Variants in COL10A1 observed in about 807,000 individuals in gnomAD.
COL10A1 encodes the protein collagen type X alpha 1 chain.
A neutral mutation model predicts 18.2 loss-of-function variants in COL10A1; 10 were observed. That is an observed-to-expected ratio of 0.55 (90% CI 0.34 to 0.93). The LOEUF (loss-of-function observed/expected upper bound fraction) is 0.93. COL10A1 is among the 40% of genes least tolerant of loss of function. The probability of loss-of-function intolerance (pLI) is 0.02; values close to 1 mark genes in which losing one functional copy is unlikely to be tolerated. For synonymous variants in COL10A1, 330 were observed against 316.6 expected, an observed-to-expected ratio of 1.04 and a Z score of -0.45; for missense variants, 897 against 853.5, an observed-to-expected ratio of 1.05 and a Z score of -0.64.
chr6:116,145,029 G>T (rs942529051), intron 1 of COL10A1, among the ~76,000 whole-genome samples: 1 of 152,102 alleles, frequency 6.6e-6, no homozygotes, highest in Non-Finnish European at 1.5e-5. Context: ...GATTTGATTC[G>T]TACATCAGAT....
intron 1 of COL10A1, among the ~76,000 whole-genome samples, chr6:116,156,849 C>T (rs1358294576): frequency 5.3e-5 from 8 of 152,190 alleles, no homozygotes; most frequent in Non-Finnish European, 1.0e-4. Context: ...GGCCACCCCA[C>T]GGCCCCATTA....
the COL10A1 span, among the ~76,000 whole-genome samples, chr6:116,196,474 T>C: frequency 6.6e-6 from 1 of 152,058 alleles, no homozygotes; most frequent in Non-Finnish European, 1.5e-5. Flanking sequence ...GTGATTAGTT[T>C]GATCTAGGGA....
At chr6:116,125,748 A>T (rs1305154578) in intron 1 of COL10A1, 9 of 343,020 alleles carry the variant, frequency 2.6e-5, no homozygotes. Flanking sequence ...CCTAAAGGAA[A>T]AGAAACAGAA....
the COL10A1 span, among the ~76,000 whole-genome samples, chr6:116,182,054 G>A: frequency 6.6e-6 from 1 of 151,990 alleles, no homozygotes; most frequent in South Asian, 2.1e-4. Flanking sequence ...CCAAAGTCCA[G>A]TGTATTATTC....
the COL10A1 span, among the ~76,000 whole-genome samples, chr6:116,182,222 AGTGTGTGTGTGT>A: frequency 4.0e-5 from 5 of 124,604 alleles, no homozygotes; most frequent in East Asian, 3.0e-4. Flanking sequence ...TTCCATGGAG[AGTGTGTGTGTGT>A]GTGTGTGTGT....
chr6:116,135,935 A>G (rs1172969061), intron 1 of COL10A1, among the ~76,000 whole-genome samples: 3 of 149,790 alleles, frequency 2.0e-5, no homozygotes, highest in African/African-American at 7.3e-5. Flanking sequence ...TATCCATTAC[A>G]TTGGTGAGAA....
intron 1 of COL10A1, among the ~76,000 whole-genome samples, chr6:116,146,691 C>G (rs934192965): frequency 1.4e-4 from 21 of 152,128 alleles, no homozygotes; most frequent in African/African-American, 4.1e-4. Context: ...TGCTATAAAT[C>G]TTTTTGATCT....
At chr6:116,135,758 A>G (rs566835472) in intron 1 of COL10A1, among the ~76,000 whole-genome samples, 20 of 148,466 alleles carry the variant, frequency 1.3e-4, no homozygotes, top group African/African-American at 3.7e-4. Flanking sequence ...AGCTTAAAAA[A>G]TTTTTTTTCT....
chr6:116,157,775 C>CT (rs1780233149), intron 1 of COL10A1, among the ~76,000 whole-genome samples: 1 of 152,176 alleles, frequency 6.6e-6, no homozygotes, highest in Non-Finnish European at 1.5e-5. Flanking sequence ...CAAACAGACT[C>CT]TAACGGGGAA....
chr6:116,213,270 C>G, the COL10A1 span, among the ~76,000 whole-genome samples: 1 of 152,054 alleles, frequency 6.6e-6, no homozygotes, highest in African/African-American at 2.4e-5. Context: ...AAGGGGCTCA[C>G]TATGTCTTGC....
intron 1 of COL10A1, among the ~76,000 whole-genome samples, chr6:116,133,580 A>G (rs1004236164): frequency 3.9e-5 from 6 of 152,164 alleles, no homozygotes; most frequent in African/African-American, 1.4e-4. Flanking sequence ...CCCATCGTCA[A>G]AACGGATACT....
intron 1 of COL10A1, among the ~76,000 whole-genome samples, chr6:116,156,538 G>A (rs1294396963): frequency 6.6e-6 from 1 of 152,146 alleles, no homozygotes; most frequent in East Asian, 1.9e-4. Context: ...AGTAAGGGAA[G>A]AGGAGACCGA....
chr6:116,132,366 T>C (rs1779490413), intron 1 of COL10A1, among the ~76,000 whole-genome samples: 1 of 152,230 alleles, frequency 6.6e-6, no homozygotes, highest in Non-Finnish European at 1.5e-5. Flanking sequence ...TTAGACCATT[T>C]CTCTAGCCTA....
chr6:116,135,847 A>G (rs2064884), intron 1 of COL10A1, among the ~76,000 whole-genome samples: 25,095 of 116,282 alleles, frequency 0.22, 2,918 homozygotes, highest in Middle Eastern at 0.35. Context: ...ATATATATAT[A>G]TATATATATA....
At chr6:116,129,418 G>A (rs1249056257), upstream of COL10A1, among the ~76,000 whole-genome samples, 2 of 152,188 alleles carry the variant, frequency 1.3e-5, no homozygotes, top group Admixed American at 6.5e-5. Context: ...TGGCAAGTGG[G>A]ATCTTTAAGA....
chr6:116,214,985 C>T, the COL10A1 span, among the ~76,000 whole-genome samples: 1 of 151,924 alleles, frequency 6.6e-6, no homozygotes, highest in African/African-American at 2.4e-5. Flanking sequence ...GGGTGGGGGG[C>T]ATAGGAATTG....
At chr6:116,176,866 T>C in the COL10A1 span, among the ~76,000 whole-genome samples, 39 of 152,306 alleles carry the variant, frequency 2.6e-4, no homozygotes, top group East Asian at 6.9e-3. Flanking sequence ...TGTCCTGTGA[T>C]CTTCTCACTT....
intron 1 of COL10A1, among the ~76,000 whole-genome samples, chr6:116,139,017 A>G (rs893981383): frequency 6.6e-6 from 1 of 152,176 alleles, no homozygotes; most frequent in South Asian, 2.1e-4. Context: ...TTAGTAAATG[A>G]TATTTTGATC....
intron 1 of COL10A1, among the ~76,000 whole-genome samples, chr6:116,140,969 G>C (rs961764862): frequency 6.6e-6 from 1 of 152,084 alleles, no homozygotes; most frequent in Middle Eastern, 3.2e-3. Flanking sequence ...TTTCTAGGAA[G>C]TATACCTAGG....
Sources: allele counts gnomAD v4.1 joint callset (sites outside exome capture counted in the v4.1 genomes callset), GRCh38; gene constraint gnomAD v4.1.1; transcripts MANE v1.5; gene names NCBI Gene and HGNC (gene_info 2026-07-23, HGNC 2026-07-21).